Variants in DRC10 observed in about 807,000 individuals in gnomAD.
The protein encoded by DRC10 is dynein regulatory complex subunit 10.
At chr12:113,205,303 C>A in the DRC10 span, among the ~76,000 whole-genome samples, 149 of 151,614 alleles carry the variant, frequency 9.8e-4, 2 homozygotes, top group Admixed American at 6.0e-3. Context: ...GAGGCCAAGG[C>A]GGGCAGATCA....
the DRC10 span, chr12:113,195,473 T>C: frequency 6.9e-7 from 1 of 1,439,070 alleles, no homozygotes; most frequent in African/African-American, 1.4e-5. Context: ...TTTAATTTAT[T>C]AAATAAAAAC....
the DRC10 span, chr12:113,200,528 AT>A: frequency 8.1e-5 from 44 of 546,422 alleles, no homozygotes; most frequent in East Asian, 2.9e-4. Flanking sequence ...AGTCCCACCC[AT>A]CCCCCCCACC....
At chr12:113,200,431 G>A in the DRC10 span, 1 of 745,292 alleles carries the variant, frequency 1.3e-6, no homozygotes, top group South Asian at 1.5e-5. Context: ...CTGCTCCTGT[G>A]CCCTTCCCCT....
At chr12:113,208,338 T>C in the DRC10 span, 6 of 1,421,148 alleles carry the variant, frequency 4.2e-6, no homozygotes, top group Non-Finnish European at 5.5e-6. Flanking sequence ...ACCACAACTG[T>C]TGACATCAAG....
At chr12:113,205,902 CAAAAAAA>C in the DRC10 span, among the ~76,000 whole-genome samples, 3 of 47,990 alleles carry the variant, frequency 6.3e-5, no homozygotes, top group Admixed American at 2.3e-4. Flanking sequence ...GACTCCGTCT[CAAAAAAA>C]AAAAAAAAAA....
the DRC10 span, chr12:113,195,720 C>G: frequency 1.2e-6 from 2 of 1,613,842 alleles, no homozygotes; most frequent in South Asian, 2.2e-5. Context: ...CGTGGCCGCC[C>G]GTACCATGCG....
chr12:113,207,560 T>C, the DRC10 span: 16 of 1,614,128 alleles, frequency 9.9e-6, no homozygotes, highest in East Asian at 8.9e-5. Flanking sequence ...CTCGCTTCCA[T>C]GGGACTAGTG....
the DRC10 span, among the ~76,000 whole-genome samples, chr12:113,203,777 ATTTTTTTT>A: frequency 8.6e-4 from 83 of 96,972 alleles, no homozygotes; most frequent in Non-Finnish European, 1.3e-3. Context: ...TGCCCAGCTA[ATTTTTTTT>A]TTTTTTTTTT....
chr12:113,203,545 G>A, the DRC10 span, among the ~76,000 whole-genome samples: 1 of 144,654 alleles, frequency 6.9e-6, no homozygotes, highest in Non-Finnish European at 1.5e-5. Context: ...GTGCAATCTA[G>A]GCTCACTGCA....
At chr12:113,218,692 C>T in the DRC10 span, among the ~76,000 whole-genome samples, 1 of 152,204 alleles carries the variant, frequency 6.6e-6, no homozygotes, top group African/African-American at 2.4e-5. Flanking sequence ...CTAGGATCCT[C>T]CTGCCTTGGC....
chr12:113,205,329 T>C, the DRC10 span, among the ~76,000 whole-genome samples: 1 of 150,016 alleles, frequency 6.7e-6, no homozygotes. Flanking sequence ...GGTCAGGAGT[T>C]CAAGACCAGC....
chr12:113,198,645 C>G, the DRC10 span, among the ~76,000 whole-genome samples: 1 of 152,012 alleles, frequency 6.6e-6, no homozygotes, highest in Non-Finnish European at 1.5e-5. Context: ...TGGGGAGTAA[C>G]TTCTTAATGG....
chr12:113,214,654 A>C, the DRC10 span, among the ~76,000 whole-genome samples: 1 of 152,196 alleles, frequency 6.6e-6, no homozygotes, highest in Non-Finnish European at 1.5e-5. Context: ...GTTTTGCAAA[A>C]TATATATGTC....
the DRC10 span, among the ~76,000 whole-genome samples, chr12:113,218,814 T>C: frequency 6.6e-6 from 1 of 152,226 alleles, no homozygotes. Flanking sequence ...CATTCCTGAA[T>C]AGTATTTTAT....
the DRC10 span, among the ~76,000 whole-genome samples, chr12:113,198,939 CT>C: frequency 0.094 from 13,933 of 148,086 alleles, 720 homozygotes; most frequent in East Asian, 0.21. Flanking sequence ...AAAAATGATA[CT>C]TTTTTTTTTT....
the DRC10 span, among the ~76,000 whole-genome samples, chr12:113,211,146 A>C: frequency 6.6e-6 from 1 of 152,188 alleles, no homozygotes; most frequent in African/African-American, 2.4e-5. Context: ...CAGTGGCACG[A>C]TCATGGCTCA....
At chr12:113,206,522 G>A in the DRC10 span, among the ~76,000 whole-genome samples, 7,527 of 152,180 alleles carry the variant, frequency 0.049, 269 homozygotes, top group Middle Eastern at 0.068. Flanking sequence ...GGGTGGATGC[G>A]TCAGGTTATA....
chr12:113,213,185 A>C, the DRC10 span, among the ~76,000 whole-genome samples: 5 of 150,450 alleles, frequency 3.3e-5, no homozygotes, highest in African/African-American at 9.7e-5. Context: ...CTAAAAAAAA[A>C]AAAAAAAAAA....
the DRC10 span, chr12:113,197,691 G>A: frequency 3.4e-6 from 3 of 893,450 alleles, no homozygotes; most frequent in South Asian, 1.4e-5. Context: ...GCATCACTAG[G>A]CTCTGGCAGG....
Sources: gnomAD v4.1 joint callset for allele counts (sites outside exome capture counted in the v4.1 genomes callset) on GRCh38, gnomAD v4.1.1 for gene constraint, MANE v1.5 for transcripts, NCBI Gene and HGNC (gene_info 2026-07-23, HGNC 2026-07-21) for gene names.